The following SEL1L3 variants were observed in gnomAD, a reference collection of about 807,000 sequenced individuals.
SEL1L3 encodes the protein protein sel-1 homolog 3.
Under a neutral mutation model 142.8 loss-of-function variants are expected in SEL1L3, and 76 were observed. The ratio of observed to expected loss-of-function variants is 0.53; its 90% CI spans 0.44 to 0.64. The LOEUF (loss-of-function observed/expected upper bound fraction) is 0.64, where lower values mean the gene tolerates loss of function less well. Among genes scored for constraint, SEL1L3 ranks in the 30% least tolerant of loss-of-function variants. SEL1L3 has a pLI of 0.00. For missense variants in SEL1L3, 1,262 were observed against 1,381.7 expected (o/e 0.91, Z 1.37); for synonymous variants, 504 against 519.6 (o/e 0.97, Z 0.41).
chr4:25,756,846 A>G (rs1372388442), intron 23 of SEL1L3: 1 of 1,275,356 alleles, frequency 7.8e-7, no homozygotes, highest in Non-Finnish European at 1.0e-6. Context: ...CTGAAATGAA[A>G]GGGAAGACTT....
Position 25,748,506 on chromosome 4 carries a change from T to G in SEL1L3, c.3318A>C (p.Ala1106=), listed in dbSNP as rs931764987. 1.4e-5 allele frequency: 23 copies of G among 1,612,004 alleles called. No homozygotes were observed. Among genetic ancestry groups the G allele is most frequent in the African/African-American group, 2.7e-5 (2 of 74,898 alleles). Residue 1106 remains alanine, a synonymous_variant, in exon 24 of 24, where the codon GCA becomes GCC. Transcript: ENST00000399878. ...QASPDTATST[A]SPAVTPAADA... is the part of the protein sequence containing the mutation. Reference sequence around the variant, plus strand: ...CTGCAGCTGGAGTCACAGCTGGACTTGCAGTGGACGTGGCAGTGTCTGGGG... The same window carrying G: ...CTGCAGCTGGAGTCACAGCTGGACTGGCAGTGGACGTGGCAGTGTCTGGGG...
At chr4:25,721,214 C>CTTTT in the SEL1L3 span, among the ~76,000 whole-genome samples, 160 of 148,262 alleles carry the variant, frequency 1.1e-3, 1 homozygote, top group African/African-American at 3.9e-3. Context: ...AAGCTTGGAA[C>CTTTT]TTTTTTTTTT....
intron 9 of SEL1L3, 145 bp downstream of exon 9, chr4:25,817,993 G>A: frequency 1.2e-6 from 1 of 822,008 alleles, no homozygotes; most frequent in Non-Finnish European, 1.9e-6. Flanking sequence ...GACATACAAA[G>A]GCAGAATTTA....
At chr4:25,854,700 T>C (rs1717125837) in intron 1 of SEL1L3, among the ~76,000 whole-genome samples, 1 of 152,212 alleles carries the variant, frequency 6.6e-6, no homozygotes, top group Non-Finnish European at 1.5e-5. Context: ...TCATTTCATA[T>C]GTGTGTAGTT....
chr4:25,763,258 T>C (rs1718502715), intron 20 of SEL1L3, among the ~76,000 whole-genome samples: 2 of 151,720 alleles, frequency 1.3e-5, no homozygotes, highest in African/African-American at 4.8e-5. Context: ...CTATAGCAAA[T>C]GCCTTTAGCA....
At chr4:25,831,304 T>C (rs181838561) in intron 5 of SEL1L3, among the ~76,000 whole-genome samples, 2 of 152,018 alleles carry the variant, frequency 1.3e-5, no homozygotes, top group Admixed American at 6.6e-5. Flanking sequence ...CATAAATTTT[T>C]ACTCCAGTCA....
At chr4:25,815,012 C>T (rs1382294749) in intron 9 of SEL1L3, among the ~76,000 whole-genome samples, 2 of 152,078 alleles carry the variant, frequency 1.3e-5, no homozygotes, top group Admixed American at 6.5e-5. Context: ...AAATGGGGCC[C>T]AGGGCTTGGT....
intron 2 of SEL1L3, among the ~76,000 whole-genome samples, chr4:25,841,884 T>C (rs1187149590): frequency 6.6e-6 from 1 of 151,994 alleles, no homozygotes; most frequent in African/African-American, 2.4e-5. Flanking sequence ...CGCATGAACC[T>C]GGGAGGCGGA....
intron 7 of SEL1L3, among the ~76,000 whole-genome samples, chr4:25,820,231 C>T (rs959390763): frequency 2.6e-5 from 4 of 152,182 alleles, no homozygotes; most frequent in African/African-American, 9.7e-5. Flanking sequence ...GCACTCTGTC[C>T]CTAGAAAATC....
chr4:25,741,030 C>T, the SEL1L3 span, among the ~76,000 whole-genome samples: 31 of 152,142 alleles, frequency 2.0e-4, no homozygotes, highest in African/African-American at 6.7e-4. Context: ...AGTGATATGC[C>T]CACCTTGGTC....
chr4:25,846,517 G>C (rs1426798975), intron 2 of SEL1L3, among the ~76,000 whole-genome samples: 1 of 152,164 alleles, frequency 6.6e-6, no homozygotes, highest in Non-Finnish European at 1.5e-5. Flanking sequence ...ACAGGAATCA[G>C]GCCCAGCCAG....
intron 2 of SEL1L3, among the ~76,000 whole-genome samples, chr4:25,840,715 G>T (rs1716114231): frequency 6.6e-6 from 1 of 152,106 alleles, no homozygotes; most frequent in Admixed American, 6.5e-5. Context: ...TTATACCTTG[G>T]AAAATAAACC....
At chr4:25,834,750 A>G (rs1056517101) in intron 3 of SEL1L3, among the ~76,000 whole-genome samples, 1 of 152,232 alleles carries the variant, frequency 6.6e-6, no homozygotes, top group Non-Finnish European at 1.5e-5. Flanking sequence ...AACCATTTTC[A>G]GCATCTTCAA....
At chr4:25,740,666 G>A in the SEL1L3 span, among the ~76,000 whole-genome samples, 1 of 152,074 alleles carries the variant, frequency 6.6e-6, no homozygotes. Context: ...ACCCCTAAAT[G>A]CTTTATTTCA....
At chr4:25,789,585 A>T (rs1056231052) in intron 12 of SEL1L3, among the ~76,000 whole-genome samples, 4 of 3,494 alleles carry the variant, frequency 1.1e-3, no homozygotes, top group African/African-American at 4.2e-3. Flanking sequence ...ACCCTGAATC[A>T]AAAAAAAAAA....
chr4:25,732,223 A>AT, the SEL1L3 span, among the ~76,000 whole-genome samples: 1 of 152,228 alleles, frequency 6.6e-6, no homozygotes, highest in Non-Finnish European at 1.5e-5. Context: ...GATTTGCCAG[A>AT]TTTAGCAAAT....
Position 25,822,141 on chromosome 4 carries a change from A to G in SEL1L3, c.1158-13T>C. The G allele has an allele frequency of 1.2e-6, 2 of 1,613,906 alleles. No individual in the cohort carries two copies. The highest frequency in any genetic ancestry group is 1.7e-6 in the Non-Finnish European group (2 of 1,179,794). On this transcript the variant is annotated splice_polypyrimidine_tract_variant and intron_variant, in intron 6 of 23. Coordinates refer to ENST00000399878, the MANE Select transcript of SEL1L3 (RefSeq NM_015187.5). ...ATCCTCCCGGAAGCTAGAGAAGAGA[A>G]TGAAGGATTAAGAGAGCTCCATGCC...
chr4:25,738,222 G>A, the SEL1L3 span, among the ~76,000 whole-genome samples: 2,903 of 152,148 alleles, frequency 0.019, 76 homozygotes, highest in African/African-American at 0.058. Context: ...TTGACCCAAG[G>A]CTGGTTGAGT....
At chr4:25,790,312 C>A in intron 12 of SEL1L3, 143 bp downstream of exon 12, 1 of 789,776 alleles carries the variant, frequency 1.3e-6, no homozygotes. Context: ...CTGCCCCTGA[C>A]AACCCCTATT....
Sources: gnomAD v4.1 joint callset for allele counts (sites outside exome capture counted in the v4.1 genomes callset) on GRCh38, gnomAD v4.1.1 for gene constraint, MANE v1.5 for transcripts, NCBI Gene and HGNC (gene_info 2026-07-23, HGNC 2026-07-21) for gene names.